DLGAP2: variants seen among roughly 807,000 people sequenced by gnomAD.
DLGAP2 encodes disks large-associated protein 2.
Under a neutral mutation model 100.3 loss-of-function variants are expected in DLGAP2, and 26 were observed. That is an observed-to-expected ratio of 0.26 (90% CI 0.19 to 0.36). The LOEUF (loss-of-function observed/expected upper bound fraction) is 0.36. Among genes scored for constraint, DLGAP2 ranks in the 10% least tolerant of loss-of-function variants. The probability of loss-of-function intolerance (pLI) is 1.00; values close to 1 mark genes in which losing one functional copy is unlikely to be tolerated. For synonymous variants in DLGAP2, 886 were observed against 630.1 expected, an observed-to-expected ratio of 1.41 and a Z score of -6.08; for missense variants, 1,858 against 1,453.2, an observed-to-expected ratio of 1.28 and a Z score of -4.53.
intron 3 of DLGAP2, among the ~76,000 whole-genome samples, chr8:1,465,614 GA>G (rs1798605802): frequency 6.6e-6 from 1 of 152,216 alleles, no homozygotes; most frequent in African/African-American, 2.4e-5. Flanking sequence ...CAGGTGTCTG[GA>G]AGCTCCACAA....
chr8:973,480 G>T (rs1359371235), intron 2 of DLGAP2, among the ~76,000 whole-genome samples: 1 of 152,080 alleles, frequency 6.6e-6, no homozygotes, highest in African/African-American at 2.4e-5. Flanking sequence ...AGACGGGGTG[G>T]TGGGGCAGGA....
intron 1 of DLGAP2, among the ~76,000 whole-genome samples, chr8:769,457 T>G (rs908364283): frequency 6.6e-6 from 1 of 152,080 alleles, no homozygotes; most frequent in African/African-American, 2.4e-5. Context: ...AGGGACAAAC[T>G]ATTTAGAAAA....
At chr8:912,306 A>G (rs553894439) in intron 2 of DLGAP2, among the ~76,000 whole-genome samples, 55 of 152,352 alleles carry the variant, frequency 3.6e-4, no homozygotes, top group Middle Eastern at 3.4e-3. Context: ...CAGGTTATGT[A>G]TAAAAGTTGG....
At chr8:964,552 G>A (rs1365148390) in intron 2 of DLGAP2, among the ~76,000 whole-genome samples, 2 of 152,254 alleles carry the variant, frequency 1.3e-5, no homozygotes, top group African/African-American at 4.8e-5. Flanking sequence ...GAGTCCTTGG[G>A]AAATGTTGCT....
At chr8:1,272,085 G>A (rs1055510974) in intron 3 of DLGAP2, among the ~76,000 whole-genome samples, 1 of 152,138 alleles carries the variant, frequency 6.6e-6, no homozygotes, top group Non-Finnish European at 1.5e-5. Flanking sequence ...CAAAATGCTG[G>A]AATTACAGGC....
At chr8:1,541,896 A>G (rs879157912) in intron 4 of DLGAP2, among the ~76,000 whole-genome samples, 3 of 152,232 alleles carry the variant, frequency 2.0e-5, no homozygotes, top group African/African-American at 4.8e-5. Flanking sequence ...TGACTCCACA[A>G]TCATGGTCAC....
At chr8:774,342 C>G (rs1821451084) in intron 1 of DLGAP2, among the ~76,000 whole-genome samples, 1 of 152,114 alleles carries the variant, frequency 6.6e-6, no homozygotes, top group African/African-American at 2.4e-5. Flanking sequence ...TGCAGAAGCT[C>G]TTTAGTTTAA....
chr8:1,595,566 C>T (rs970170736), intron 6 of DLGAP2, among the ~76,000 whole-genome samples: 2 of 150,070 alleles, frequency 1.3e-5, no homozygotes, highest in Non-Finnish European at 3.0e-5. Flanking sequence ...ACTCGGGAGG[C>T]TGAGGCAGGA....
intron 1 of DLGAP2, among the ~76,000 whole-genome samples, chr8:766,312 G>A (rs1346271678): frequency 2.0e-5 from 3 of 152,192 alleles, no homozygotes; most frequent in Non-Finnish European, 2.9e-5. Flanking sequence ...CAGTCAGCTC[G>A]TCACCCTGCG....
At chr8:1,199,106 G>C (rs1797815277) in intron 2 of DLGAP2, among the ~76,000 whole-genome samples, 1 of 152,236 alleles carries the variant, frequency 6.6e-6, no homozygotes, top group Non-Finnish European at 1.5e-5. Flanking sequence ...AATAATTAAA[G>C]AGTACTTAAA....
intron 1 of DLGAP2, among the ~76,000 whole-genome samples, chr8:742,295 T>A (rs1469006931): frequency 1.3e-5 from 2 of 152,178 alleles, no homozygotes; most frequent in Non-Finnish European, 2.9e-5. Context: ...GAATAAACAT[T>A]TGGAAATAGC....
chr8:785,148 C>T (rs1231369341), intron 1 of DLGAP2, among the ~76,000 whole-genome samples: 3 of 128,150 alleles, frequency 2.3e-5, no homozygotes, highest in East Asian at 2.6e-4. Flanking sequence ...ACCTGGGAGG[C>T]GGAGTTTGCA....
chr8:918,043 G>A (rs1408734097), intron 2 of DLGAP2, among the ~76,000 whole-genome samples: 2 of 152,204 alleles, frequency 1.3e-5, no homozygotes, highest in Non-Finnish European at 2.9e-5. Context: ...GATGATGTGA[G>A]CAGCTGAAGA....
At chr8:1,491,629 T>C (rs12542312) in intron 3 of DLGAP2, among the ~76,000 whole-genome samples, 45,287 of 152,162 alleles carry the variant, frequency 0.3, 11,944 homozygotes, top group African/African-American at 0.71. Flanking sequence ...ACGCCGCATG[T>C]ATTTGGAATT....
At chr8:1,283,372 C>T (rs769266570) in intron 3 of DLGAP2, among the ~76,000 whole-genome samples, 7 of 152,364 alleles carry the variant, frequency 4.6e-5, no homozygotes, top group East Asian at 3.8e-4. Flanking sequence ...CCCTCAATGG[C>T]GCCCAGACCT....
In DLGAP2 at chr8:1,644,107, G is replaced by C. The variant is rs62483079; in HGVS notation, c.1810+11061G>C. Among the ~76,000 whole-genome samples, 73 of 72,564 alleles carry C rather than the reference G, an allele frequency of 1.0e-3. 11 individuals are homozygous for C. Among genetic ancestry groups the C allele is most frequent in the East Asian group, 5.6e-3 (11 of 1,974 alleles). 47.6% of individuals were successfully genotyped at this position (72,564 alleles called of 152,430 possible). ...GCCGGTCCTCACCTGTGTCACCCTC[G>C]ACCCCGCCGGCCCTCACCTGTGTCA... On this transcript the variant is annotated intron_variant, in intron 8 of 14. Coordinates refer to ENST00000637795, the MANE Select transcript of DLGAP2 (RefSeq NM_001346810.2).
chr8:988,525 A>C (rs1800552400), intron 2 of DLGAP2, among the ~76,000 whole-genome samples: 1 of 152,140 alleles, frequency 6.6e-6, no homozygotes, highest in Admixed American at 6.5e-5. Flanking sequence ...CCTTGAAGAA[A>C]ACCCTCCCGG....
chr8:1,356,658 A>C (rs900941051), intron 3 of DLGAP2, among the ~76,000 whole-genome samples: 1 of 152,212 alleles, frequency 6.6e-6, no homozygotes, highest in African/African-American at 2.4e-5. Context: ...TGAAACCGTG[A>C]CGGTTGGTGA....
intron 3 of DLGAP2, among the ~76,000 whole-genome samples, chr8:1,438,820 A>G (rs1353921409): frequency 6.6e-6 from 1 of 152,218 alleles, no homozygotes; most frequent in Non-Finnish European, 1.5e-5. Context: ...GCCATCCACA[A>G]ATGTTTCCTG....
Sources: gnomAD v4.1 joint callset for allele counts (sites outside exome capture counted in the v4.1 genomes callset) on GRCh38, gnomAD v4.1.1 for gene constraint, MANE v1.5 for transcripts, NCBI Gene and HGNC (gene_info 2026-07-23, HGNC 2026-07-21) for gene names.